Variants in ACOT11 observed in about 807,000 individuals in gnomAD.
The protein encoded by ACOT11 is acyl-CoA thioesterase 11.
A neutral mutation model predicts 77.5 loss-of-function variants in ACOT11; 69 were observed. The ratio of observed to expected loss-of-function variants is 0.89; its 90% CI spans 0.73 to 1.09. The LOEUF (loss-of-function observed/expected upper bound fraction) is 1.09. ACOT11 is among the 50% of genes least tolerant of loss of function. The pLI is 0.00. For synonymous variants in ACOT11, 279 were observed against 313.0 expected (o/e 0.89, Z 1.15); for missense variants, 766 against 813.7 (o/e 0.94, Z 0.71).
At chr1:54,573,614 TC>T (rs1204131616) in intron 1 of ACOT11, among the ~76,000 whole-genome samples, 3 of 152,172 alleles carry the variant, frequency 2.0e-5, no homozygotes, top group African/African-American at 4.8e-5. Flanking sequence ...ACACCTGTAA[TC>T]CCAGCTACTT....
At chr1:54,635,038 C>G in exon 17 of ACOT11, 3 of 381,604 alleles carry the variant, frequency 7.9e-6, no homozygotes, top group East Asian at 4.4e-5. Context: ...CATTCTATGA[C>G]ACAGTTACAC....
chr1:54,622,016 G>A (rs1214608132), intron 15 of ACOT11, among the ~76,000 whole-genome samples: 1 of 152,212 alleles, frequency 6.6e-6, no homozygotes, highest in East Asian at 1.9e-4. Context: ...GCTCATGCCT[G>A]TAATCCCAGC....
At chr1:54,605,326 G>T in intron 13 of ACOT11, 117 bp downstream of exon 13, 35 of 1,418,542 alleles carry the variant, frequency 2.5e-5, no homozygotes, top group Non-Finnish European at 3.1e-5. Flanking sequence ...CTGGGGGTGG[G>T]TTGGAGTTCC....
exon 17 of ACOT11, chr1:54,636,010 G>A (rs544158739): frequency 3.3e-5 from 5 of 152,384 alleles, no homozygotes; most frequent in Admixed American, 6.5e-5. Flanking sequence ...GTGTCTTACG[G>A]GTGTGTTCCT....
chr1:54,583,208 C>T (rs994628465), intron 1 of ACOT11, among the ~76,000 whole-genome samples: 3 of 152,146 alleles, frequency 2.0e-5, no homozygotes, highest in African/African-American at 7.2e-5. Context: ...GGCTGTCTTC[C>T]TGCCTCCCCT....
In ACOT11 at chr1:54,603,895, G is replaced by C. The variant is rs752142778; in HGVS notation, c.1110G>C (p.Gln370His). 14 of 1,614,026 alleles carry C rather than the reference G, an allele frequency of 8.7e-6. No homozygotes were observed. The highest frequency in any genetic ancestry group is 1.3e-5 in the African/African-American group (1 of 74,918). The change falls in exon 11 of 16, where the codon CAG (glutamine) becomes CAC (histidine). Residue 370 changes from glutamine (Q) to histidine (H), a missense_variant. By Grantham distance (24) the Gln-to-His change is conservative. Coordinates refer to ENST00000343744, the MANE Select transcript of ACOT11 (RefSeq NM_147161.4). ...GGAAGTACATCGTGTCCTGTAAGCAGACAGAGGTGCCCCTCTCCGTCCCCT... is the reference window on the plus strand; with the variant it reads ...GGAAGTACATCGTGTCCTGTAAGCACACAGAGGTGCCCCTCTCCGTCCCCT... ...LDRKYIVSCK[Q>H]TEVPLSVPWD...
At chr1:54,597,791 T>A (rs1643907983) in intron 7 of ACOT11, 1 of 214,860 alleles carries the variant, frequency 4.7e-6, no homozygotes, top group Admixed American at 5.2e-5. Flanking sequence ...CTGCCTTTGC[T>A]CCTGATGTAG....
intron 15 of ACOT11, among the ~76,000 whole-genome samples, chr1:54,622,965 A>C (rs538910976): frequency 1.3e-5 from 2 of 152,018 alleles, no homozygotes; most frequent in Non-Finnish European, 2.9e-5. Flanking sequence ...ACCTGAGGTC[A>C]GGAGTTCGAG....
chr1:54,552,174 G>A (rs560894073), intron 1 of ACOT11, among the ~76,000 whole-genome samples: 1 of 152,282 alleles, frequency 6.6e-6, no homozygotes, highest in African/African-American at 2.4e-5. Context: ...GGCTCTGAAT[G>A]TTTGTGAAGG....
exon 17 of ACOT11, chr1:54,634,998 T>G: frequency 2.3e-6 from 1 of 438,844 alleles, no homozygotes; most frequent in Non-Finnish European, 4.0e-6. Context: ...ATTCCTTCAA[T>G]AAGGGCTGGT....
intron 1 of ACOT11, among the ~76,000 whole-genome samples, chr1:54,581,872 C>G (rs1654321741): frequency 6.6e-6 from 1 of 152,234 alleles, no homozygotes; most frequent in South Asian, 2.1e-4. Flanking sequence ...GACTGGCTGC[C>G]TGCCCACCTT....
intron 1 of ACOT11, among the ~76,000 whole-genome samples, chr1:54,563,860 G>C (rs1261039270): frequency 6.6e-6 from 1 of 152,120 alleles, no homozygotes; most frequent in African/African-American, 2.4e-5. Context: ...AAGATCATTA[G>C]TTCAAGACCA....
rs1654803824 is a variant in ACOT11 at position 54,593,932 on chromosome 1, C to T, written c.373-9C>T. 1.2e-6 allele frequency: 2 copies of T among 1,612,580 alleles called. No homozygotes were observed. Among genetic ancestry groups the T allele is most frequent in the Non-Finnish European group, 1.7e-6 (2 of 1,178,758 alleles). ...TCCTCATTCCTTCGCCCTTACTGTT[C>T]CTCTCCAGGTGGGCATCCAGGTGGC... On this transcript the variant is annotated splice_polypyrimidine_tract_variant and intron_variant, in intron 4 of 15. Coordinates refer to ENST00000343744, the MANE Select transcript of ACOT11 (RefSeq NM_147161.4).
chr1:54,633,289 A>G (rs4927147), intron 16 of ACOT11, among the ~76,000 whole-genome samples: 44,879 of 152,124 alleles, frequency 0.3, 7,092 homozygotes, highest in Middle Eastern at 0.41. Flanking sequence ...AAATGGGCAC[A>G]TAACTCCAAC....
chr1:54,588,250 T>C (rs559156451), intron 3 of ACOT11, among the ~76,000 whole-genome samples: 2 of 152,098 alleles, frequency 1.3e-5, no homozygotes, highest in Non-Finnish European at 2.9e-5. Flanking sequence ...AGAGTTCCCA[T>C]ATACCCCACA....
rs982986805 is a variant in ACOT11, at chr1:54,604,406, G to T, written c.1213G>T (p.Val405Leu). The T allele has an allele frequency of 4.3e-5, 70 of 1,613,900 alleles. No individual in the cohort carries two copies. The highest frequency in any genetic ancestry group is 5.6e-5 in the Non-Finnish European group (66 of 1,180,030). Residue 405 changes from valine (V) to leucine (L), a missense_variant, in exon 12 of 16, where the codon GTG becomes TTG. Transcript: ENST00000343744. ...LKMLVAKDNW[V>L]LSSEISQVRL... ...GATGCTTGTGGCCAAGGACAACTGG[G>T]TGCTGTCCTCGGAGATCAGTCAGGT...
Position 54,579,391 on chromosome 1 carries a change from T to C in ACOT11, c.34-5264T>C, listed in dbSNP as rs182771615. On this transcript the variant is annotated intron_variant, in intron 1 of 15. Transcript: ENST00000343744. ...GTGCATCCTGTGTGTGTCCCGGGTA[T>C]GTGTGTAGGCTGCCTCAGAGCCTTT... 3.0e-3 allele frequency among the ~76,000 whole-genome samples: 454 copies of C among 152,304 alleles called. 1 individual carries two copies. The highest frequency in any genetic ancestry group is 9.8e-3 in the African/African-American group (409 of 41,564).
chr1:54,590,646 A>T (rs1238279840), intron 3 of ACOT11, among the ~76,000 whole-genome samples: 1 of 152,232 alleles, frequency 6.6e-6, no homozygotes, highest in East Asian at 1.9e-4. Flanking sequence ...GAAAACTTTC[A>T]AACATATAGA....
chr1:54,636,482 C>T (rs934775858), exon 17 of ACOT11: 3 of 152,266 alleles, frequency 2.0e-5, no homozygotes, highest in Non-Finnish European at 2.9e-5. Flanking sequence ...GTCATACCTA[C>T]AGCCCTAAGG....
Sources: allele counts gnomAD v4.1 joint callset (sites outside exome capture counted in the v4.1 genomes callset), GRCh38; gene constraint gnomAD v4.1.1; transcripts MANE v1.5; gene names NCBI Gene and HGNC (gene_info 2026-07-23, HGNC 2026-07-21).